SLC40A1: variants seen among roughly 807,000 people sequenced by gnomAD.
The protein encoded by SLC40A1 is solute carrier family 40 member 1.
In SLC40A1, 16 loss-of-function variants were observed where a neutral mutation model predicts 53.5. The observed-to-expected ratio is 0.30, with a 90% confidence interval of 0.20 to 0.45. SLC40A1 has a LOEUF of 0.45. SLC40A1 is among the 20% of genes least tolerant of loss of function. SLC40A1 has a pLI of 1.00. For synonymous variants in SLC40A1, 247 were observed against 253.2 expected, an observed-to-expected ratio of 0.98 and a Z score of 0.23; for missense variants, 545 against 695.4, an observed-to-expected ratio of 0.78 and a Z score of 2.43.
rs1184267541 is a variant in SLC40A1 at position 189,564,124 on chromosome 2, T to A, written c.862A>T (p.Met288Leu). Residue 288 changes from methionine to leucine, a missense_variant, in exon 7 of 8, where the codon ATG becomes TTG. Transcript: ENST00000261024. ...CGGAAGGTACGGAAGGGCTCAGCCA[T>A]CTGGGAGGCACAAGTAGGCTCTTGC... ...HEQEPTCASQ[M>L]AEPFRTFRDG... 1 of 1,611,666 alleles carries A rather than the reference T, an allele frequency of 6.2e-7. No individual in the cohort carries two copies. The highest frequency in any genetic ancestry group is 1.7e-5 in the Admixed American group (1 of 59,606).
At chr2:189,564,318 C>A (rs2030858047) in intron 6 of SLC40A1, 93 bp from the exon 7 acceptor site, 1 of 1,031,254 alleles carries the variant, frequency 9.7e-7, no homozygotes, top group African/African-American at 1.6e-5. Flanking sequence ...TATTCCCCTT[C>A]CCAATGGGTA....
intron 5 of SLC40A1, among the ~76,000 whole-genome samples, chr2:189,568,128 A>G (rs1454961169): frequency 6.6e-6 from 1 of 151,954 alleles, no homozygotes; most frequent in African/African-American, 2.4e-5. Context: ...TGTAGGTGTC[A>G]GTAGAAATGT....
At chr2:189,563,050 T>C (rs960636303) in intron 7 of SLC40A1, among the ~76,000 whole-genome samples, 5 of 151,826 alleles carry the variant, frequency 3.3e-5, no homozygotes, top group Admixed American at 6.6e-5. Flanking sequence ...ATTTAAAAAG[T>C]AATCACTTGA....
rs761335113 is a variant in SLC40A1 at position 189,565,411 on chromosome 2, C to G, written c.703G>C (p.Val235Leu). ...TCCTCTTCTTTAAGACCAGCTTTCA[C>G]AGCTAGAGCTGGGGTTTTCTGGTAA... is the stretch of plus-strand genomic sequence containing the variant. ...KVYQKTPALAVKAGLKEEETE... is the reference protein window; with the variant it reads ...KVYQKTPALALKAGLKEEETE... The change falls in exon 6 of 8, where the codon GTG (valine) becomes CTG (leucine). Residue 235 changes from valine to leucine, a missense_variant. Coordinates refer to ENST00000261024, the MANE Select transcript of SLC40A1 (RefSeq NM_014585.6). 1 of 1,614,258 alleles carries G rather than the reference C, an allele frequency of 6.2e-7. No individual in the cohort carries two copies. The highest frequency in any genetic ancestry group is 2.2e-5 in the East Asian group (1 of 44,884).
chr2:189,572,756 C>CAA (rs35134106), intron 4 of SLC40A1, 90 bp downstream of exon 4: 1,710 of 765,450 alleles, frequency 2.2e-3, no homozygotes, highest in Non-Finnish European at 2.9e-3. Context: ...TCACACTGGC[C>CAA]AAAAAAAAAA....
intron 2 of SLC40A1, 147 bp downstream of exon 2, chr2:189,579,666 T>C (rs1123109): frequency 0.19 from 138,712 of 742,714 alleles, 14,902 homozygotes; most frequent in Non-Finnish European, 0.23. Flanking sequence ...TCGATGTAAA[T>C]AACGTTTTCA....
At chr2:189,566,596 C>T (rs1311326343) in intron 5 of SLC40A1, among the ~76,000 whole-genome samples, 4 of 152,196 alleles carry the variant, frequency 2.6e-5, no homozygotes, top group East Asian at 1.9e-4. Flanking sequence ...CTGAATCTAC[C>T]GCATAACTGA....
intron 3 of SLC40A1, among the ~76,000 whole-genome samples, 179 bp from the exon 4 acceptor site, chr2:189,573,140 A>G (rs1161329011): frequency 6.6e-6 from 1 of 152,218 alleles, no homozygotes; most frequent in Non-Finnish European, 1.5e-5. Context: ...AACCCAGAGG[A>G]TCACACCAGA....
Position 189,575,261 on chromosome 2 carries a change from G to A in SLC40A1, c.171C>T (p.Ser57=). 6.2e-7 allele frequency: 1 copy of A among 1,614,092 alleles called. No homozygotes were observed. The highest frequency in any genetic ancestry group is 1.1e-5 in the South Asian group (1 of 91,084). ...SVFLVELYGN[S]LLLTAVYGLV... is the part of the protein sequence containing the mutation. ...GCCCGTAGACTGCTGTCAAAAGGAGGCTGTTTCCATAGAGCTCTACCAGAA... is the reference window on the plus strand; with the variant it reads ...GCCCGTAGACTGCTGTCAAAAGGAGACTGTTTCCATAGAGCTCTACCAGAA... Residue 57 remains serine, a synonymous_variant, in exon 3 of 8, where the codon AGC becomes AGT. Coordinates refer to ENST00000261024, the MANE Select transcript of SLC40A1 (RefSeq NM_014585.6).
intron 4 of SLC40A1, among the ~76,000 whole-genome samples, 156 bp from the exon 5 acceptor site, chr2:189,571,997 A>G (rs2031143528): frequency 6.6e-6 from 1 of 152,174 alleles, no homozygotes; most frequent in Admixed American, 6.5e-5. Context: ...TAGATATGAA[A>G]CTGAATGAAT....
chr2:189,561,700 G>T lies in SLC40A1; in HGVS notation c.*178C>A. The stretch of plus-strand genomic sequence containing the variant: ...ATTTTTTTTCCATGCCTCAACATAA[G>T]GGAAATTAATCAGTTAATTTCTGCT... On this transcript the variant is annotated 3_prime_UTR_variant, in exon 8 of 8. Coordinates refer to ENST00000261024, the MANE Select transcript of SLC40A1 (RefSeq NM_014585.6). 3 of 609,968 alleles carry T rather than the reference G, an allele frequency of 4.9e-6. No homozygotes were observed. Among genetic ancestry groups the T allele is most frequent in the Non-Finnish European group, 8.6e-6 (3 of 348,350 alleles). 37.8% of individuals were successfully genotyped at this position (609,968 alleles called of 1,614,324 possible).
At chr2:189,574,750 C>G (rs371019468) in intron 3 of SLC40A1, among the ~76,000 whole-genome samples, 1 of 152,118 alleles carries the variant, frequency 6.6e-6, no homozygotes, top group Non-Finnish European at 1.5e-5. Flanking sequence ...CTTATACATA[C>G]TCTTACATGA....
Position 189,561,590 on chromosome 2 carries a change from G to T in SLC40A1, c.*288C>A. On this transcript the variant is annotated 3_prime_UTR_variant, in exon 8 of 8. Transcript: ENST00000261024. ...TTCACGTGACTAACCACTCTTTTAC[G>T]TAAGATTGTATCTACTCATGAGAAA... 2.8e-6 allele frequency: 1 copy of T among 357,940 alleles called. No homozygotes were observed. The highest frequency in any genetic ancestry group is 5.2e-6 in the Non-Finnish European group (1 of 192,958). The allele number at this position is 357,940 out of a possible 1,614,324, so 22.2% of individuals were successfully genotyped here. A position where few individuals can be genotyped will look rare whatever the true frequency, so the allele number is the denominator to read the frequency against.
chr2:189,565,551 G>A lies in SLC40A1; in HGVS notation c.563C>T (p.Ala188Val). The change falls in exon 6 of 8, where the codon GCC (alanine) becomes GTC (valine). Residue 188 changes from alanine to valine, a missense_variant. Physicochemically the swap from Ala to Val is moderately conservative, Grantham distance 64. Coordinates refer to ENST00000261024, the MANE Select transcript of SLC40A1 (RefSeq NM_014585.6). The stretch of plus-strand genomic sequence containing the variant: ...CATAATCTGGCCAACAGCCATGGGG[G>A]CTAAGATGTTGGTTAACTGGTCAAT... ...RRIDQLTNIL[A>V]PMAVGQIMTF... 1 of 1,614,220 alleles carries A rather than the reference G, an allele frequency of 6.2e-7. No individual in the cohort carries two copies. The highest frequency in any genetic ancestry group is 8.5e-7 in the Non-Finnish European group (1 of 1,180,030).
intron 1 of SLC40A1, among the ~76,000 whole-genome samples, chr2:189,580,177 C>A (rs1172380792): frequency 6.6e-6 from 1 of 151,782 alleles, no homozygotes; most frequent in Non-Finnish European, 1.5e-5. Flanking sequence ...TGTTTTGTTT[C>A]TTTTTTACAC....
chr2:189,568,184 T>C (rs1205951369), intron 5 of SLC40A1, among the ~76,000 whole-genome samples: 2 of 130,602 alleles, frequency 1.5e-5, no homozygotes, highest in East Asian at 4.2e-4. Flanking sequence ...AATGGATAAT[T>C]AAAAAAAAAA....
At chr2:189,562,837 C>T (rs1472446299) in intron 7 of SLC40A1, among the ~76,000 whole-genome samples, 2 of 152,026 alleles carry the variant, frequency 1.3e-5, no homozygotes, top group African/African-American at 4.8e-5. Context: ...ATAATAAATA[C>T]ATATTTGCTA....
At chr2:189,563,394 G>C (rs73047725) in intron 7 of SLC40A1, among the ~76,000 whole-genome samples, 190 bp downstream of exon 7, 4,927 of 151,438 alleles carry the variant, frequency 0.033, 295 homozygotes, top group African/African-American at 0.11. Context: ...ACAAATACAG[G>C]TTTTCAAACT....
chr2:189,562,610 T>TTC (rs1337894060), intron 7 of SLC40A1, among the ~76,000 whole-genome samples: 1 of 152,130 alleles, frequency 6.6e-6, no homozygotes, highest in Non-Finnish European at 1.5e-5. Context: ...ACTGCTAGAG[T>TTC]TCTAAAGCCC....
Sources: allele counts gnomAD v4.1 joint callset (sites outside exome capture counted in the v4.1 genomes callset), GRCh38; gene constraint gnomAD v4.1.1; transcripts MANE v1.5; gene names NCBI Gene and HGNC (gene_info 2026-07-23, HGNC 2026-07-21).